Variants in RFX2 observed in about 807,000 individuals in gnomAD.
The protein encoded by RFX2 is DNA-binding protein RFX2.
Under a neutral mutation model 87.8 loss-of-function variants are expected in RFX2, and 20 were observed. The observed-to-expected ratio is 0.23, with a 90% CI of 0.16 to 0.33. The LOEUF (loss-of-function observed/expected upper bound fraction) is 0.33, where lower values mean the gene tolerates loss of function less well. Ranked by LOEUF, RFX2 falls within the 10% of genes least tolerant of loss-of-function variation. The pLI is 1.00. For synonymous variants in RFX2, 397 were observed against 431.3 expected (o/e 0.92, Z 0.98); for missense variants, 767 against 1,012.3 (o/e 0.76, Z 3.29).
In RFX2 at chr19:6,049,777, C is replaced by T. The variant is rs2087245122; in HGVS notation, c.-8-2273G>A. ...TCCTGGCCTCATGTGATCTGCCTGCCTCAGCCTCCCAAAGTGCTGGGATTA... is the reference window on the plus strand; with the variant it reads ...TCCTGGCCTCATGTGATCTGCCTGCTTCAGCCTCCCAAAGTGCTGGGATTA... On this transcript the variant is annotated intron_variant, in intron 1 of 17. Coordinates refer to ENST00000303657, the MANE Select transcript of RFX2 (RefSeq NM_000635.4). Among the ~76,000 whole-genome samples the T allele has an allele frequency of 2.6e-5, 4 of 152,360 alleles. 1 individual carries two copies. The South Asian group carries it at 6.2e-4, about 24-fold the overall frequency.
At chr19:6,052,652 G>A (rs917423558) in intron 1 of RFX2, among the ~76,000 whole-genome samples, 7 of 152,148 alleles carry the variant, frequency 4.6e-5, no homozygotes, top group African/African-American at 1.4e-4. Context: ...CATAAAATAA[G>A]CCTCAATACA....
Position 6,081,825 on chromosome 19 carries a change from C to A in RFX2, c.-9+28568G>T, listed in dbSNP as rs144733211. Among the ~76,000 whole-genome samples the A allele has an allele frequency of 9.6e-3, 1,467 of 152,298 alleles. 15 individuals are homozygous for A. Among genetic ancestry groups the A allele is most frequent in the African/African-American group, 0.03 (1,230 of 41,550 alleles). On this transcript the variant is annotated intron_variant, in intron 1 of 17. Transcript: ENST00000303657. ...AAAATTGGCCGGGCGCGTTGGCTCA[C>A]GCTTGTAATCCCAGCACTCTGGGAG... is the stretch of plus-strand genomic sequence containing the variant.
intron 9 of RFX2, among the ~76,000 whole-genome samples, 153 bp downstream of exon 9, chr19:6,009,983 T>C (rs1483367402): frequency 6.6e-6 from 1 of 152,270 alleles, no homozygotes; most frequent in African/African-American, 2.4e-5. Context: ...AGAAAGAAGG[T>C]TTATCGAAAA....
chr19:6,059,065 G>A (rs954936411), intron 1 of RFX2, among the ~76,000 whole-genome samples: 1 of 151,320 alleles, frequency 6.6e-6, no homozygotes, highest in Non-Finnish European at 1.5e-5. Context: ...CTACAGCCTC[G>A]ACCTCCCTGG....
intron 1 of RFX2, among the ~76,000 whole-genome samples, chr19:6,082,380 A>G (rs1394387459): frequency 1.3e-5 from 2 of 151,566 alleles, no homozygotes; most frequent in Non-Finnish European, 1.5e-5. Context: ...GGGGATTAAT[A>G]TAGTAAGAGG....
In RFX2 at chr19:6,021,460, G is replaced by T; in HGVS notation, c.597+4703C>A. On this transcript the variant is annotated intron_variant, in intron 6 of 17. Coordinates refer to ENST00000303657, the MANE Select transcript of RFX2 (RefSeq NM_000635.4). The surrounding 1 kb of genome is among the most constrained non-coding windows in gnomAD (Gnocchi z 5.7). ...TTCACCTGGGAAAGGGGATGGGGTC[G>T]CCGCCACGGAGGGACTGGAGGGAGG... Among the ~76,000 whole-genome samples the T allele has an allele frequency of 6.6e-6, 1 of 152,194 alleles. No homozygotes were observed. Among genetic ancestry groups the T allele is most frequent in the East Asian group, 1.9e-4 (1 of 5,186 alleles).
chr19:6,058,985 CT>C (rs879452295), intron 1 of RFX2, among the ~76,000 whole-genome samples: 38 of 146,864 alleles, frequency 2.6e-4, no homozygotes, highest in South Asian at 4.3e-4. Flanking sequence ...AGAAACCTGA[CT>C]TTTTTTTTTT....
chr19:6,100,671 G>C (rs1037410433), intron 1 of RFX2, among the ~76,000 whole-genome samples: 2 of 152,132 alleles, frequency 1.3e-5, no homozygotes, highest in African/African-American at 4.8e-5. Flanking sequence ...GGTGGGAGGC[G>C]CCATGTTGCG....
intron 1 of RFX2, among the ~76,000 whole-genome samples, chr19:6,062,812 A>T (rs2087456127): frequency 6.6e-6 from 1 of 152,188 alleles, no homozygotes; most frequent in Non-Finnish European, 1.5e-5. Flanking sequence ...AGGAAAAGGT[A>T]AATCAGCGTG....
chr19:6,019,671 G>A (rs756706562), intron 6 of RFX2, among the ~76,000 whole-genome samples: 1 of 150,906 alleles, frequency 6.6e-6, no homozygotes, highest in African/African-American at 2.4e-5. Flanking sequence ...CATGGCTCAT[G>A]CAGCCTCCAA....
Position 6,064,885 on chromosome 19 carries a change from T to C in RFX2, c.-8-17381A>G, listed in dbSNP as rs1447530157. 6.6e-6 allele frequency among the ~76,000 whole-genome samples: 1 copy of C among 152,148 alleles called. No individual in the cohort carries two copies. The highest frequency in any genetic ancestry group is 1.5e-5 in the Non-Finnish European group (1 of 68,040). ...AAGAGCCTAGTTCAAATTCAAGAATTTCCATCTAAAACCACAGCATGGAGA... is the reference window on the plus strand; with the variant it reads ...AAGAGCCTAGTTCAAATTCAAGAATCTCCATCTAAAACCACAGCATGGAGA... On this transcript the variant is annotated intron_variant, in intron 1 of 17. Coordinates refer to ENST00000303657, the MANE Select transcript of RFX2 (RefSeq NM_000635.4). This position sits in a 1 kb window ranked among gnomAD's most constrained non-coding sequence, Gnocchi z 4.8.
At position 6,040,282 on chromosome 19, in the gene RFX2, T is replaced by C. The variant is rs749678537; in HGVS notation, c.261-41A>G. On this transcript the variant is annotated intron_variant, in intron 4 of 17. Transcript: ENST00000303657. The surrounding 1 kb of genome is among the most constrained non-coding windows in gnomAD (Gnocchi z 6.1). ...AAGTCACGCATGGGACGCTGTCCCATTTAAATGCCTTGTCTGAGTTCACAG... is the reference window on the plus strand; with the variant it reads ...AAGTCACGCATGGGACGCTGTCCCACTTAAATGCCTTGTCTGAGTTCACAG... 4 of 1,484,078 alleles carry C rather than the reference T, an allele frequency of 2.7e-6. No homozygotes were observed. The South Asian group carries it at 4.3e-5, about 16-fold the overall frequency. 91.9% of individuals were successfully genotyped at this position (1,484,078 alleles called of 1,614,324 possible).
At chr19:6,019,512 A>ATGTGTGTGTGTG (rs147877773) in intron 6 of RFX2, among the ~76,000 whole-genome samples, 1,567 of 126,952 alleles carry the variant, frequency 0.012, 44 homozygotes, top group African/African-American at 0.047. Flanking sequence ...GTGTGTGAGT[A>ATGTGTGTGTGTG]TGTGTGTGTG....
In RFX2 at chr19:6,017,439, T is replaced by C. The variant is rs1000356848; in HGVS notation, c.598-1168A>G. Among the ~76,000 whole-genome samples the C allele has an allele frequency of 6.6e-6, 1 of 152,188 alleles. No individual in the cohort carries two copies. Among genetic ancestry groups the C allele is most frequent in the Non-Finnish European group, 1.5e-5 (1 of 68,034 alleles). Reference sequence around the variant, plus strand: ...CTTAAAGACTGCGGCTTAATTCTGGTTTCCACCTCTCCCTCTGCTATCGTC... The same window carrying C: ...CTTAAAGACTGCGGCTTAATTCTGGCTTCCACCTCTCCCTCTGCTATCGTC... On this transcript the variant is annotated intron_variant, in intron 6 of 17. Transcript: ENST00000303657. This position sits in a 1 kb window ranked among gnomAD's most constrained non-coding sequence, Gnocchi z 4.1.
chr19:6,087,193 TAGAC>T (rs1251474766), intron 1 of RFX2, among the ~76,000 whole-genome samples: 1 of 152,102 alleles, frequency 6.6e-6, no homozygotes, highest in African/African-American at 2.4e-5. Context: ...AGACTCATGA[TAGAC>T]AGGGCGACAG....
intron 1 of RFX2, among the ~76,000 whole-genome samples, chr19:6,076,195 T>G (rs1226991967): frequency 6.6e-6 from 1 of 151,972 alleles, no homozygotes; most frequent in African/African-American, 2.4e-5. Context: ...AATACAAAAA[T>G]TAGCCATGCG....
At chr19:6,107,165 A>G (rs1162759742) in intron 1 of RFX2, among the ~76,000 whole-genome samples, 3 of 152,010 alleles carry the variant, frequency 2.0e-5, no homozygotes, top group Admixed American at 1.3e-4. Context: ...GCGTGGTGGC[A>G]GGCGCCTGTA....
intron 1 of RFX2, among the ~76,000 whole-genome samples, chr19:6,100,121 G>A (rs1274763779): frequency 6.6e-6 from 1 of 152,214 alleles, no homozygotes; most frequent in African/African-American, 2.4e-5. Flanking sequence ...GGTCTTGAGG[G>A]AAGAGTAGGA....
intron 2 of RFX2, among the ~76,000 whole-genome samples, chr19:6,046,605 C>CTTTTT (rs55854937): frequency 7.7e-5 from 7 of 90,564 alleles, no homozygotes; most frequent in African/African-American, 8.0e-5. Flanking sequence ...GCCTTTTTGC[C>CTTTTT]TTTTTTTTTT....
Sources: allele counts gnomAD v4.1 joint callset (sites outside exome capture counted in the v4.1 genomes callset), GRCh38; gene constraint gnomAD v4.1.1; non-coding constraint Gnocchi (gnomAD v3.1); transcripts MANE v1.5; gene names NCBI Gene and HGNC (gene_info 2026-07-23, HGNC 2026-07-21).